Variants in PUM1 observed in about 807,000 individuals in gnomAD.
PUM1 encodes the protein pumilio RNA binding family member 1, also known as pumilio homolog 1.
PUM1 carries 13 observed loss-of-function variants against 131.8 expected under a neutral mutation model. That is an observed-to-expected ratio of 0.10 (90% CI 0.06 to 0.16). PUM1 has a LOEUF of 0.16. PUM1 is among the 10% of genes least tolerant of loss of function. The pLI, the probability that PUM1 is intolerant of heterozygous loss-of-function variation, is 1.00. For synonymous variants in PUM1, 509 were observed against 556.5 expected (o/e 0.91, Z 1.20); for missense variants, 961 against 1,512.4 (o/e 0.64, Z 6.05).
intron 3 of PUM1, among the ~76,000 whole-genome samples, chr1:31,014,721 G>T (rs549494823): frequency 6.6e-6 from 1 of 151,620 alleles, no homozygotes; most frequent in African/African-American, 2.4e-5. Context: ...CCCAGGAGGC[G>T]GAGGTTACAG....
Position 30,964,839 on chromosome 1 carries a change from T to C in PUM1, c.2158A>G (p.Thr720Ala). ...LTGSSDLYKR[T>A]SSSLTPIGHS... ...CCAATGGGGGTCAAGCTGCTCGATG[T>C]CCTCTTATAAAGGTCACTGCTGCCA... is the stretch of plus-strand genomic sequence containing the variant. Residue 720 changes from threonine to alanine, a missense_variant, in exon 14 of 22, where the codon ACA becomes GCA. Coordinates refer to ENST00000426105, the MANE Select transcript of PUM1 (RefSeq NM_001020658.2). The C allele has an allele frequency of 6.2e-7, 1 of 1,614,048 alleles. No individual in the cohort carries two copies. The highest frequency in any genetic ancestry group is 8.5e-7 in the Non-Finnish European group (1 of 1,179,996).
At chr1:30,938,878 G>T (rs921124938) in intron 20 of PUM1, among the ~76,000 whole-genome samples, 3 of 78,434 alleles carry the variant, frequency 3.8e-5, no homozygotes, top group Non-Finnish European at 7.2e-5. Context: ...CATAGATAGA[G>T]ATAGATAGAT....
chr1:30,986,099 C>T (rs2124476599), intron 7 of PUM1, among the ~76,000 whole-genome samples: 1 of 152,280 alleles, frequency 6.6e-6, no homozygotes, highest in East Asian at 1.9e-4. Flanking sequence ...GGATTACAGG[C>T]TTGCGCCACC....
chr1:30,981,004 C>T (rs1641335930), intron 8 of PUM1, among the ~76,000 whole-genome samples: 2 of 152,160 alleles, frequency 1.3e-5, no homozygotes, highest in Admixed American at 6.5e-5. Flanking sequence ...TAATCAATGT[C>T]ATCCAAATCT....
intron 3 of PUM1, among the ~76,000 whole-genome samples, chr1:31,026,747 G>A (rs1643236401): frequency 6.6e-6 from 1 of 152,016 alleles, no homozygotes. Context: ...TAATAGAACT[G>A]TCCTCATAGA....
At position 30,941,949 on chromosome 1, in the gene PUM1, T is replaced by C. The variant is rs757032146; in HGVS notation, c.3120+49A>G. ...TGACAAAACACACAAACTCTGGCCC[T>C]GCACAAGCCCACAGGTGTTCGCAGT... On this transcript the variant is annotated intron_variant, in intron 19 of 21. Coordinates refer to ENST00000426105, the MANE Select transcript of PUM1 (RefSeq NM_001020658.2). 12 of 1,474,788 alleles carry C rather than the reference T, an allele frequency of 8.1e-6. No individual in the cohort carries two copies. In the South Asian group the frequency reaches 1.1e-4, roughly 14 times the overall value. 91.4% of individuals were successfully genotyped at this position (1,474,788 alleles called of 1,614,324 possible). A position where few individuals can be genotyped will look rare whatever the true frequency, so the allele number is the denominator to read the frequency against.
chr1:30,959,906 C>CA (rs756601320), intron 14 of PUM1, among the ~76,000 whole-genome samples: 1,410 of 86,902 alleles, frequency 0.016, 14 homozygotes, highest in Non-Finnish European at 0.02. Flanking sequence ...GACTCCAGCT[C>CA]AAAAAAAAAA....
intron 1 of PUM1, among the ~76,000 whole-genome samples, chr1:31,060,570 A>G (rs752526419): frequency 8.5e-5 from 13 of 152,158 alleles, no homozygotes; most frequent in Non-Finnish European, 1.5e-4. Context: ...CAGATTGTGT[A>G]ATTTGAAAGG....
chr1:30,945,165 T>TC (rs1322941684), intron 18 of PUM1, among the ~76,000 whole-genome samples, 181 bp downstream of exon 18: 1 of 152,082 alleles, frequency 6.6e-6, no homozygotes, highest in Non-Finnish European at 1.5e-5. Flanking sequence ...ACCTGGCAGT[T>TC]CAAGGCTGTA....
At chr1:31,046,641 G>A (rs1643974836) in intron 2 of PUM1, among the ~76,000 whole-genome samples, 1 of 151,410 alleles carries the variant, frequency 6.6e-6, no homozygotes, top group South Asian at 2.1e-4. Context: ...CTAAGTAGCT[G>A]GGATTACAGG....
At chr1:30,977,034 C>T (rs372872382) in intron 9 of PUM1, among the ~76,000 whole-genome samples, 2 of 152,302 alleles carry the variant, frequency 1.3e-5, no homozygotes, top group South Asian at 2.1e-4. Context: ...AGAAGTGTTA[C>T]CGATTTCAGA....
intron 2 of PUM1, among the ~76,000 whole-genome samples, chr1:31,044,531 T>A (rs1643907987): frequency 6.6e-6 from 1 of 152,000 alleles, no homozygotes; most frequent in Non-Finnish European, 1.5e-5. Flanking sequence ...AATAGGCAAA[T>A]AAAGAGACAG....
Position 30,980,071 on chromosome 1 carries a change from C to A in PUM1, c.1345G>T (p.Ala449Ser). Residue 449 changes from alanine to serine, a missense_variant, in exon 9 of 22, where the codon GCG becomes TCG. Physicochemically the swap from Ala to Ser is moderately conservative, Grantham distance 99. Coordinates refer to ENST00000426105, the MANE Select transcript of PUM1 (RefSeq NM_001020658.2). The stretch of plus-strand genomic sequence containing the variant: ...CAGCAGAATGTCTCACCTAGTGTCG[C>A]TGCTGCAGCCAATCCAGCTGTGTAG... ...DPYTAGLAAA[A>S]TLGPAVVPHQ... The A allele has an allele frequency of 6.2e-7, 1 of 1,604,264 alleles. No homozygotes were observed. Among genetic ancestry groups the A allele is most frequent in the Non-Finnish European group, 8.5e-7 (1 of 1,175,002 alleles).
chr1:30,937,096 G>T (rs1342741861), intron 20 of PUM1, among the ~76,000 whole-genome samples: 2 of 152,096 alleles, frequency 1.3e-5, no homozygotes, highest in African/African-American at 4.8e-5. Flanking sequence ...TATAGAGGGT[G>T]ATCAAATTAT....
chr1:30,954,979 G>T (rs569088757), intron 14 of PUM1, among the ~76,000 whole-genome samples: 25 of 151,934 alleles, frequency 1.6e-4, no homozygotes, highest in African/African-American at 5.8e-4. Context: ...TGAGATAGGA[G>T]GATCACCTGA....
At position 30,932,443 on chromosome 1, in the gene PUM1, A is replaced by C. The variant is rs1051676311; in HGVS notation, c.*768T>G. The C allele has an allele frequency of 1.3e-5, 2 of 151,914 alleles. No individual in the cohort carries two copies. The highest frequency in any genetic ancestry group is 2.9e-5 in the Non-Finnish European group (2 of 67,996). The allele number at this position is 151,914 out of a possible 1,614,324, so 9.4% of individuals were successfully genotyped here. Reference sequence around the variant, plus strand: ...GCTAAATAATCAGATTTTACCTTTCAATGTTAATAGAAAAAAATCCAGTAG... The same window carrying C: ...GCTAAATAATCAGATTTTACCTTTCCATGTTAATAGAAAAAAATCCAGTAG... On this transcript the variant is annotated 3_prime_UTR_variant, in exon 22 of 22. Transcript: ENST00000426105.
intron 18 of PUM1, among the ~76,000 whole-genome samples, chr1:30,942,537 G>A (rs977841473): frequency 2.0e-5 from 3 of 152,018 alleles, no homozygotes; most frequent in African/African-American, 7.3e-5. Context: ...CACACCGCCA[G>A]AACAACCAGA....
At chr1:31,009,041 G>T (rs1481091362) in intron 3 of PUM1, among the ~76,000 whole-genome samples, 1 of 150,580 alleles carries the variant, frequency 6.6e-6, no homozygotes, top group Non-Finnish European at 1.5e-5. Context: ...AAATTGGCCG[G>T]GCGTGGTGGT....
At chr1:31,001,546 A>C (rs1419552681) in intron 5 of PUM1, among the ~76,000 whole-genome samples, 2 of 152,120 alleles carry the variant, frequency 1.3e-5, no homozygotes, top group African/African-American at 2.4e-5. Context: ...AGAACAAACA[A>C]AGTTTGAATT....
Sources: gnomAD v4.1 joint callset for allele counts (sites outside exome capture counted in the v4.1 genomes callset) on GRCh38, gnomAD v4.1.1 for gene constraint, MANE v1.5 for transcripts, NCBI Gene and HGNC (gene_info 2026-07-23, HGNC 2026-07-21) for gene names.